Variants in SVEP1 observed in about 807,000 individuals in gnomAD.
SVEP1 encodes the protein sushi, von Willebrand factor type A, EGF and pentraxin domain-containing protein 1.
Under a neutral mutation model 367.3 loss-of-function variants are expected in SVEP1, and 164 were observed. The observed-to-expected ratio is 0.45, with a 90% CI of 0.39 to 0.51. SVEP1 has a LOEUF of 0.51. Among genes scored for constraint, SVEP1 ranks in the 20% least tolerant of loss-of-function variants. The probability of loss-of-function intolerance (pLI) is 0.00; values close to 1 mark genes in which losing one functional copy is unlikely to be tolerated. For missense variants in SVEP1, 4,117 were observed against 4,425.3 expected (o/e 0.93, Z 1.98); for synonymous variants, 1,666 against 1,611.6 (o/e 1.03, Z -0.81).
chr9:110,498,003 T>C (rs1341448152), intron 7 of SVEP1, among the ~76,000 whole-genome samples: 7 of 152,234 alleles, frequency 4.6e-5, no homozygotes. Flanking sequence ...TTTTCATTCA[T>C]GCTTAAACAA....
At chr9:110,578,888 G>A (rs1204177652) in intron 1 of SVEP1, 125 bp downstream of exon 1, 1 of 1,065,472 alleles carries the variant, frequency 9.4e-7, no homozygotes, top group Non-Finnish European at 1.3e-6. Flanking sequence ...TTTGTGGATG[G>A]GGACGCTTGA....
Position 110,406,729 on chromosome 9 carries a change from A to G in SVEP1, c.8871T>C (p.His2957=). The G allele has an allele frequency of 6.2e-7, 1 of 1,614,060 alleles. No homozygotes were observed. The highest frequency in any genetic ancestry group is 1.3e-5 in the African/African-American group (1 of 75,066). Residue 2957 remains histidine, a synonymous_variant, in exon 38 of 48, where the codon CAT becomes CAC. Transcript: ENST00000374469. ...TAAAGGAAAAACCATTAGGGAAACC[A>G]TGGGCAAGATCTTCAGGAGGTCCAC... ...VNCGPPEDLA[H]GFPNGFSFIH...
chr9:110,527,798 A>G (rs577082454), intron 3 of SVEP1, among the ~76,000 whole-genome samples: 8 of 151,902 alleles, frequency 5.3e-5, no homozygotes, highest in Non-Finnish European at 8.8e-5. Flanking sequence ...CAAATGGTAT[A>G]TATCATACAC....
chr9:110,549,567 C>A (rs569909987), intron 2 of SVEP1, among the ~76,000 whole-genome samples: 6 of 152,072 alleles, frequency 3.9e-5, no homozygotes, highest in Non-Finnish European at 8.8e-5. Flanking sequence ...TCAAAACACA[C>A]CTAAATTCAT....
chr9:110,366,253 C>A lies in SVEP1; in HGVS notation c.*286G>T. ...TAAAAATGTGTACCAGGAACTTTCC[C>A]AATAGACAGCAGAATATGTACATTT... On this transcript the variant is annotated 3_prime_UTR_variant, in exon 48 of 48. Coordinates refer to ENST00000374469, the MANE Select transcript of SVEP1 (RefSeq NM_153366.4). 1 of 329,600 alleles carries A rather than the reference C, an allele frequency of 3.0e-6. No individual in the cohort carries two copies. The highest frequency in any genetic ancestry group is 5.4e-6 in the Non-Finnish European group (1 of 184,756). 20.4% of individuals were successfully genotyped at this position (329,600 alleles called of 1,614,324 possible).
intron 15 of SVEP1, 108 bp from the exon 16 acceptor site, chr9:110,471,705 T>C: frequency 2.6e-6 from 2 of 762,362 alleles, no homozygotes; most frequent in South Asian, 2.0e-5. Flanking sequence ...TTAGTACTAA[T>C]AAGTGGTCTA....
At chr9:110,485,502 G>A (rs1829262279) in intron 9 of SVEP1, among the ~76,000 whole-genome samples, 2 of 152,128 alleles carry the variant, frequency 1.3e-5, no homozygotes, top group South Asian at 2.1e-4. Flanking sequence ...TAGGTGATGG[G>A]TTGATAGGTG....
chr9:110,368,074 C>CT (rs1470055623), intron 47 of SVEP1, among the ~76,000 whole-genome samples: 3 of 150,900 alleles, frequency 2.0e-5, no homozygotes, highest in Non-Finnish European at 1.5e-5. Context: ...GAGACTCTGT[C>CT]TTAAAAAAAA....
At chr9:110,388,565 G>T (rs1054169341) in intron 41 of SVEP1, among the ~76,000 whole-genome samples, 10 of 152,246 alleles carry the variant, frequency 6.6e-5, no homozygotes, top group Middle Eastern at 3.4e-3. Flanking sequence ...TCAGAGTTGA[G>T]TCCCTGGACC....
At chr9:110,471,325 T>C (rs780014799) in intron 16 of SVEP1, 39 bp downstream of exon 16, 2 of 1,549,586 alleles carry the variant, frequency 1.3e-6, no homozygotes, top group Non-Finnish European at 1.8e-6. Flanking sequence ...TTTGACCCAG[T>C]ATGCACCAAA....
Position 110,579,408 on chromosome 9 carries a change from T to C in SVEP1, c.136A>G (p.Ile46Val), listed in dbSNP as rs1290502644. ...PETAPGAPGS[I>V]PAPPAPGDEA... ...TCGCCAGGAGCGGGCGGCGCGGGGA[T>C]ACTCCCGGGGGCCCCGGGCGCGGTC... The change falls in exon 1 of 48, where the codon ATC becomes GTC. Residue 46 changes from isoleucine (I) to valine (V), a missense_variant. Around this residue, in one of 4 missense-constraint regions of SVEP1, gnomAD observed 161 missense variants for 122.4 expected, o/e 1.32. Transcript: ENST00000374469. The surrounding 1 kb of genome is among the most constrained non-coding windows in gnomAD (Gnocchi z 5.3). The C allele has an allele frequency of 3.8e-6, 6 of 1,577,220 alleles. No homozygotes were observed. Among genetic ancestry groups the C allele is most frequent in the Middle Eastern group, 3.3e-4 (2 of 5,998 alleles).
At chr9:110,403,197 C>A (rs1185245804) in intron 39 of SVEP1, among the ~76,000 whole-genome samples, 1 of 149,388 alleles carries the variant, frequency 6.7e-6, no homozygotes. Flanking sequence ...ATCAGTGACA[C>A]ATTTTTTCTT....
chr9:110,387,656 T>C (rs1315158416), intron 41 of SVEP1, among the ~76,000 whole-genome samples, 198 bp from the exon 42 acceptor site: 1 of 152,212 alleles, frequency 6.6e-6, no homozygotes. Flanking sequence ...CAATTAAAGA[T>C]TGGGAGTTAG....
In SVEP1 at chr9:110,401,077, A is replaced by T. The variant is rs77157659; in HGVS notation, c.9667-68T>A. The T allele has an allele frequency of 1.6e-3, 2,496 of 1,568,938 alleles. 35 individuals are homozygous for T. In the African/African-American group the frequency reaches 0.028, roughly 18 times the overall value. On this transcript the variant is annotated intron_variant, in intron 39 of 47. Coordinates refer to ENST00000374469, the MANE Select transcript of SVEP1 (RefSeq NM_153366.4). ...ATACATATGAATGAAGAAATTTGCA[A>T]ATATTGGTTATTTGCAGAATAATCT...
chr9:110,550,524 A>ATCTATCTATCTG (rs1272152421), intron 1 of SVEP1, among the ~76,000 whole-genome samples: 24 of 144,398 alleles, frequency 1.7e-4, no homozygotes, highest in African/African-American at 6.2e-4. Flanking sequence ...CTATCTATCT[A>ATCTATCTATCTG]TCTGTCTATC....
At chr9:110,412,265 T>G (rs1294570959) in intron 36 of SVEP1, among the ~76,000 whole-genome samples, 2 of 152,338 alleles carry the variant, frequency 1.3e-5, no homozygotes, top group African/African-American at 4.8e-5. Flanking sequence ...TACAATGCCA[T>G]ATTTAGCCTA....
intron 36 of SVEP1, among the ~76,000 whole-genome samples, chr9:110,415,593 C>T (rs972833793): frequency 6.6e-6 from 1 of 151,988 alleles, no homozygotes; most frequent in Non-Finnish European, 1.5e-5. Flanking sequence ...TGGAACAAGA[C>T]ACAGGGCATG....
intron 25 of SVEP1, 127 bp from the exon 26 acceptor site, chr9:110,446,165 A>C: frequency 1.3e-6 from 1 of 770,174 alleles, no homozygotes; most frequent in African/African-American, 1.8e-5. Context: ...GCAGTTTCAA[A>C]ATTAAATACA....
intron 10 of SVEP1, among the ~76,000 whole-genome samples, chr9:110,483,262 C>T (rs778669515): frequency 5.9e-5 from 9 of 151,956 alleles, no homozygotes; most frequent in Admixed American, 1.3e-4. Flanking sequence ...AGTAGAGATG[C>T]CGATAAAATG....
Sources: gnomAD v4.1 joint callset for allele counts (sites outside exome capture counted in the v4.1 genomes callset) on GRCh38, gnomAD v4.1.1 for gene constraint, gnomAD v4.1.1 regional missense constraint, Gnocchi (gnomAD v3.1) non-coding constraint, MANE v1.5 for transcripts, NCBI Gene and HGNC (gene_info 2026-07-23, HGNC 2026-07-21) for gene names.